Variants in NEDD9 observed in about 807,000 individuals in gnomAD.
NEDD9 encodes the protein neural precursor cell expressed, developmentally down-regulated 9.
NEDD9 carries 26 observed loss-of-function variants against 76.6 expected under a neutral mutation model. The observed-to-expected ratio is 0.34, with a 90% CI of 0.25 to 0.47. The LOEUF (loss-of-function observed/expected upper bound fraction) is 0.47, where lower values mean the gene tolerates loss of function less well. Among genes scored for constraint, NEDD9 ranks in the 20% least tolerant of loss-of-function variants. NEDD9 has a pLI of 1.00. For synonymous variants in NEDD9, 392 were observed against 414.2 expected (o/e 0.95, Z 0.65); for missense variants, 937 against 1,058.5 (o/e 0.89, Z 1.59).
intron 2 of NEDD9, among the ~76,000 whole-genome samples, chr6:11,211,905 T>C (rs1005944016): frequency 2.6e-5 from 4 of 152,140 alleles, no homozygotes; most frequent in Non-Finnish European, 5.9e-5. Context: ...ATGGCCAGGA[T>C]GGGGAGGGCA....
In NEDD9 at chr6:11,232,551, A is replaced by T; in HGVS notation, c.-36T>A. ...GTGGGTTGAGCCGTTTTCCTACACT[A>T]GTTAAGACAGCATTAAGCACTGCGG... On this transcript the variant is annotated 5_prime_UTR_variant, in exon 1 of 7. Coordinates refer to ENST00000379446, the MANE Select transcript of NEDD9 (RefSeq NM_006403.4). 6.2e-7 allele frequency: 1 copy of T among 1,614,150 alleles called. No homozygotes were observed. Among genetic ancestry groups the T allele is most frequent in the Non-Finnish European group, 8.5e-7 (1 of 1,180,032 alleles).
chr6:11,249,874 CCTGTGT>C (rs1284102447), intron 3 of NEDD9, among the ~76,000 whole-genome samples: 32 of 152,162 alleles, frequency 2.1e-4, no homozygotes, highest in Admixed American at 3.9e-4. Flanking sequence ...CCTTCTGGCT[CCTGTGT>C]CTGGATCTGC....
At chr6:11,208,343 T>C (rs1485424411) in intron 2 of NEDD9, among the ~76,000 whole-genome samples, 2 of 152,196 alleles carry the variant, frequency 1.3e-5, no homozygotes, top group Non-Finnish European at 2.9e-5. Flanking sequence ...ATATGAATAG[T>C]TACCCTTACA....
At chr6:11,219,198 C>T (rs368621602) in intron 1 of NEDD9, among the ~76,000 whole-genome samples, 1 of 152,164 alleles carries the variant, frequency 6.6e-6, no homozygotes, top group East Asian at 1.9e-4. Flanking sequence ...CTCCTCCCTG[C>T]CTTTTTTCCC....
intron 1 of NEDD9, among the ~76,000 whole-genome samples, chr6:11,222,571 C>T (rs940886264): frequency 1.3e-5 from 2 of 152,214 alleles, no homozygotes; most frequent in African/African-American, 2.4e-5. Context: ...AGCTCTTACA[C>T]GCACATGTTA....
In NEDD9 at chr6:11,213,382, C is replaced by T; in HGVS notation, c.358G>A (p.Val120Ile). 6.2e-7 allele frequency: 1 copy of T among 1,613,876 alleles called. No individual in the cohort carries two copies. The highest frequency in any genetic ancestry group is 8.5e-7 in the Non-Finnish European group (1 of 1,179,992). Reference protein sequence around the residue: ...PSYQNQGIYQVPTGHGTQEQE... With the variant: ...PSYQNQGIYQIPTGHGTQEQE... ...TCTTGGGTGCCGTGGCCAGTGGGGA[C>T]TTGGTAAATTCCCTGATTTTGGTAG... The change falls in exon 2 of 7, where the codon GTC (valine) becomes ATC (isoleucine). Residue 120 changes from valine to isoleucine, a missense_variant. Coordinates refer to ENST00000379446, the MANE Select transcript of NEDD9 (RefSeq NM_006403.4). This position sits in a 1 kb window ranked among gnomAD's most constrained non-coding sequence, Gnocchi z 5.4.
At chr6:11,272,617 G>C (rs940965910) in intron 3 of NEDD9, among the ~76,000 whole-genome samples, 5 of 152,168 alleles carry the variant, frequency 3.3e-5, no homozygotes, top group African/African-American at 1.2e-4. Context: ...ATAGTAGAAG[G>C]TGTGTTTCCT....
At chr6:11,351,525 CCTGA>C (rs1342070527) in intron 1 of NEDD9, among the ~76,000 whole-genome samples, 4 of 152,218 alleles carry the variant, frequency 2.6e-5, no homozygotes, top group African/African-American at 9.7e-5. Context: ...GGAAGGATTT[CCTGA>C]CTTTCCCCTG....
At chr6:11,200,170 C>T (rs1411864915) in intron 2 of NEDD9, 2 of 362,396 alleles carry the variant, frequency 5.5e-6, no homozygotes, top group Non-Finnish European at 1.1e-5. Context: ...GAACATTGGA[C>T]TATAGGGCTC....
At chr6:11,321,499 C>T (rs141028686) in intron 2 of NEDD9, among the ~76,000 whole-genome samples, 6 of 152,280 alleles carry the variant, frequency 3.9e-5, no homozygotes, top group Non-Finnish European at 7.4e-5. Context: ...TCGTGTTTAT[C>T]GGCAGATTTT....
At chr6:11,242,986 C>T (rs1450538280) in intron 3 of NEDD9, among the ~76,000 whole-genome samples, 1 of 152,124 alleles carries the variant, frequency 6.6e-6, no homozygotes, top group Admixed American at 6.5e-5. Context: ...CTCAGGCCAA[C>T]TCCAATCAGG....
At chr6:11,318,642 C>T (rs2113460772) in intron 2 of NEDD9, among the ~76,000 whole-genome samples, 1 of 152,238 alleles carries the variant, frequency 6.6e-6, no homozygotes, top group East Asian at 1.9e-4. Flanking sequence ...AATAAGATTA[C>T]TCAGAGACTT....
chr6:11,204,685 A>C (rs1029940919), intron 2 of NEDD9, among the ~76,000 whole-genome samples: 1 of 137,588 alleles, frequency 7.3e-6, no homozygotes, highest in African/African-American at 2.8e-5. Flanking sequence ...GTGCCACTGC[A>C]CTCCAGCCTG....
chr6:11,363,834 G>A (rs557917438), intron 1 of NEDD9, among the ~76,000 whole-genome samples: 1 of 152,160 alleles, frequency 6.6e-6, no homozygotes, highest in African/African-American at 2.4e-5. Context: ...ATAATAGTAA[G>A]GGCTAAAAAA....
intron 1 of NEDD9, among the ~76,000 whole-genome samples, chr6:11,219,156 A>G (rs1371004791): frequency 6.6e-6 from 1 of 152,176 alleles, no homozygotes; most frequent in East Asian, 1.9e-4. Context: ...TCTAGGACAC[A>G]TGACGGCTTC....
upstream of NEDD9, among the ~76,000 whole-genome samples, chr6:11,234,578 G>A (rs140893881): frequency 1.0e-3 from 153 of 152,214 alleles, no homozygotes; most frequent in Middle Eastern, 3.4e-3. Flanking sequence ...GTCCTGTAAG[G>A]TAAGTAAGAC....
chr6:11,202,356 A>G (rs1758476639), intron 2 of NEDD9, among the ~76,000 whole-genome samples: 1 of 152,224 alleles, frequency 6.6e-6, no homozygotes, highest in Admixed American at 6.5e-5. Context: ...CTTGAAAAGC[A>G]TTAACAGAGC....
rs1761477219 is a variant in NEDD9, at chr6:11,314,391, C to T, written c.-152-8236G>A. On this transcript the variant is annotated intron_variant, in intron 2 of 3. Coordinates refer to the NEDD9 transcript ENST00000397378. Reference sequence around the variant, plus strand: ...GATAGGAAAGGAAAATAACTTCCTTCCAAAGAAAGGAGTGGGTGGGGAGAA... The same window carrying T: ...GATAGGAAAGGAAAATAACTTCCTTTCAAAGAAAGGAGTGGGTGGGGAGAA... 2.0e-5 allele frequency among the ~76,000 whole-genome samples: 3 copies of T among 152,036 alleles called. No individual in the cohort carries two copies. The South Asian group carries it at 6.2e-4, about 32-fold the overall frequency.
chr6:11,237,383 G>A (rs2113282518), upstream of NEDD9, among the ~76,000 whole-genome samples: 1 of 152,284 alleles, frequency 6.6e-6, no homozygotes, highest in East Asian at 1.9e-4. This position sits in a 1 kb window ranked among gnomAD's most constrained non-coding sequence, Gnocchi z 4.9. Context: ...TGTTTATCAT[G>A]AGGTTCTGTT....
Sources: gnomAD v4.1 joint callset for allele counts (sites outside exome capture counted in the v4.1 genomes callset) on GRCh38, gnomAD v4.1.1 for gene constraint, Gnocchi (gnomAD v3.1) non-coding constraint, MANE v1.5 for transcripts, NCBI Gene and HGNC (gene_info 2026-07-23, HGNC 2026-07-21) for gene names.